LRP1B: variants seen among roughly 807,000 people sequenced by gnomAD.
LRP1B encodes the protein LDL receptor related protein 1B, also known as low-density lipoprotein receptor-related protein 1B.
In LRP1B, 217 loss-of-function variants were observed where a neutral mutation model predicts 556.6. The ratio of observed to expected loss-of-function variants is 0.39; its 90% confidence interval spans 0.35 to 0.44. LRP1B has a LOEUF of 0.44. LRP1B is among the 20% of genes least tolerant of loss of function. The pLI is 1.00. For missense variants in LRP1B, 5,053 were observed against 5,620.8 expected, an observed-to-expected ratio of 0.90 and a Z score of 3.23; for synonymous variants, 2,047 against 1,865.8, an observed-to-expected ratio of 1.10 and a Z score of -2.50.
intron 47 of LRP1B, among the ~76,000 whole-genome samples, chr2:140,528,129 G>T (rs1377815961): frequency 6.6e-6 from 1 of 151,856 alleles, no homozygotes; most frequent in Non-Finnish European, 1.5e-5. Context: ...CAGAGACAAT[G>T]AGGAGGCAAA....
At chr2:141,134,942 C>T (rs1222255837) in intron 7 of LRP1B, among the ~76,000 whole-genome samples, 1 of 151,128 alleles carries the variant, frequency 6.6e-6, no homozygotes, top group Non-Finnish European at 1.5e-5. Context: ...TATATTTGCC[C>T]CTGTAGTGGT....
intron 1 of LRP1B, among the ~76,000 whole-genome samples, chr2:141,842,742 A>C (rs1032874649): frequency 6.6e-6 from 1 of 152,140 alleles, no homozygotes; most frequent in Non-Finnish European, 1.5e-5. Context: ...AGTACTTTTT[A>C]TTAAAGATCA....
rs531613964 is a variant in LRP1B, at chr2:140,991,008, T to C, written c.2645-1351A>G. 1.3e-3 allele frequency among the ~76,000 whole-genome samples: 191 copies of C among 152,250 alleles called. 1 individual carries two copies. Among genetic ancestry groups the C allele is most frequent in the African/African-American group, 4.5e-3 (185 of 41,564 alleles). On this transcript the variant is annotated intron_variant, in intron 16 of 90. Transcript: ENST00000389484. The stretch of plus-strand genomic sequence containing the variant: ...CTTTGTTGATACGTGGTTTTATCAC[T>C]TTTTAGAAAGTTTTTATTGATGTAT...
At chr2:141,448,375 C>A (rs557661857) in intron 3 of LRP1B, among the ~76,000 whole-genome samples, 34 of 152,284 alleles carry the variant, frequency 2.2e-4, no homozygotes, top group African/African-American at 7.7e-4. Flanking sequence ...ATCTGCTGAG[C>A]AAGACCACTT....
intron 86 of LRP1B, among the ~76,000 whole-genome samples, chr2:140,251,903 A>G (rs1681435185): frequency 6.6e-6 from 1 of 151,202 alleles, no homozygotes; most frequent in Admixed American, 6.6e-5. Flanking sequence ...TTACTTGCAA[A>G]ATACTTTTTT....
At position 141,013,541 on chromosome 2, in the gene LRP1B, T is replaced by A; in HGVS notation, c.2380+15A>T. 6.3e-7 allele frequency: 1 copy of A among 1,591,324 alleles called. No homozygotes were observed. Among genetic ancestry groups the A allele is most frequent in the Non-Finnish European group, 8.5e-7 (1 of 1,169,900 alleles). ...TATGTGAATCTCAGAAGCATTTTAA[T>A]TTGTTTTTTAATACCTTGTTGCTTT... On this transcript the variant is annotated intron_variant, in intron 14 of 90. Transcript: ENST00000389484.
intron 41 of LRP1B, among the ~76,000 whole-genome samples, chr2:140,642,770 G>T (rs570359403): frequency 6.6e-6 from 1 of 152,278 alleles, no homozygotes; most frequent in East Asian, 1.9e-4. Flanking sequence ...CGTGAACCCG[G>T]GAGGCGGAGC....
At position 140,901,021 on chromosome 2, in the gene LRP1B, GCTTT is replaced by G. The variant is rs530848085; in HGVS notation, c.3766+1895_3766+1898del. Among the ~76,000 whole-genome samples the G allele has an allele frequency of 2.6e-5, 4 of 152,228 alleles. No homozygotes were observed. The East Asian group carries it at 5.8e-4, about 22-fold the overall frequency. ...GCATGTGGACTCCTCAGAAAGTCGT[GCTTT>G]TTTTAAAATAATTTTTAATTTTTAT... On this transcript the variant is annotated intron_variant, in intron 23 of 90. Coordinates refer to ENST00000389484, the MANE Select transcript of LRP1B (RefSeq NM_018557.3).
At position 140,550,950 on chromosome 2, in the gene LRP1B, T is replaced by A. The variant is rs565108851; in HGVS notation, c.7195-8979A>T. On this transcript the variant is annotated intron_variant, in intron 43 of 90. Coordinates refer to ENST00000389484, the MANE Select transcript of LRP1B (RefSeq NM_018557.3). ...GTAGGTGGGGCCCCAGTGATGTAAT[T>A]AATGTCCTTATAAGTAGAGGAAGAG... 2.0e-5 allele frequency among the ~76,000 whole-genome samples: 3 copies of A among 152,186 alleles called. No individual in the cohort carries two copies. In the South Asian group the frequency reaches 6.2e-4, roughly 32 times the overall value.
At chr2:140,950,116 A>G (rs1198389933) in intron 20 of LRP1B, 119 bp downstream of exon 20, 4 of 670,134 alleles carry the variant, frequency 6.0e-6, no homozygotes, top group Admixed American at 3.4e-5. Flanking sequence ...ACAGTTCCAC[A>G]TGTATATTCT....
At chr2:141,380,044 C>T (rs916632245) in intron 3 of LRP1B, among the ~76,000 whole-genome samples, 6 of 152,126 alleles carry the variant, frequency 3.9e-5, no homozygotes, top group Non-Finnish European at 1.5e-5. Flanking sequence ...TTCAACTACA[C>T]TAATGTAGAG....
At chr2:140,993,801 G>A (rs1433473843) in intron 16 of LRP1B, among the ~76,000 whole-genome samples, 194 bp downstream of exon 16, 1 of 152,030 alleles carries the variant, frequency 6.6e-6, no homozygotes. Flanking sequence ...GGAAAAGGAT[G>A]AGAAAAACTG....
intron 31 of LRP1B, among the ~76,000 whole-genome samples, chr2:140,838,742 T>C (rs201367542): frequency 6.6e-6 from 1 of 152,180 alleles, no homozygotes. Flanking sequence ...AATATCAAAA[T>C]TGAGGCTTAC....
intron 14 of LRP1B, among the ~76,000 whole-genome samples, chr2:141,009,475 T>C (rs1378102899): frequency 3.3e-5 from 5 of 151,846 alleles, no homozygotes; most frequent in Admixed American, 6.6e-5. Flanking sequence ...CTTATGTAAG[T>C]GTGTGTGTGT....
intron 27 of LRP1B, among the ~76,000 whole-genome samples, chr2:140,852,959 C>T (rs1488385598): frequency 6.6e-6 from 1 of 151,992 alleles, no homozygotes; most frequent in Non-Finnish European, 1.5e-5. Context: ...AAGCGTTATT[C>T]TTGTAGCCCC....
chr2:141,522,851 A>G (rs1684573135), intron 2 of LRP1B, among the ~76,000 whole-genome samples: 1 of 152,152 alleles, frequency 6.6e-6, no homozygotes, highest in South Asian at 2.1e-4. Flanking sequence ...ATCTGTGAGC[A>G]ATACCACTTG....
At position 141,866,654 on chromosome 2, in the gene LRP1B, T is replaced by C. The variant is rs148692041; in HGVS notation, c.83-56253A>G. On this transcript the variant is annotated intron_variant, in intron 1 of 90. Coordinates refer to ENST00000389484, the MANE Select transcript of LRP1B (RefSeq NM_018557.3). ...TCCATAGGAACCGAGAACATGTTTT[T>C]ACTTTTTCATATTTTAGAACCTAAC... 2.6e-3 allele frequency among the ~76,000 whole-genome samples: 402 copies of C among 152,244 alleles called. 5 individuals carry two copies. The highest frequency in any genetic ancestry group is 9.4e-3 in the African/African-American group (391 of 41,542).
chr2:141,188,636 GA>G, intron 6 of LRP1B, 53 bp from the exon 7 acceptor site: 2 of 1,491,402 alleles, frequency 1.3e-6, no homozygotes, highest in Non-Finnish European at 1.9e-6. Context: ...CTAGCATCAT[GA>G]TCCAAAAATA....
intron 20 of LRP1B, among the ~76,000 whole-genome samples, chr2:140,926,912 G>A (rs1694903105): frequency 6.6e-6 from 1 of 152,012 alleles, no homozygotes; most frequent in African/African-American, 2.4e-5. Context: ...CATTGATATG[G>A]TAGCTTAGAT....
Sources: gnomAD v4.1 joint callset for allele counts (sites outside exome capture counted in the v4.1 genomes callset) on GRCh38, gnomAD v4.1.1 for gene constraint, MANE v1.5 for transcripts, NCBI Gene and HGNC (gene_info 2026-07-23, HGNC 2026-07-21) for gene names.